Variants in FSIP2 observed in about 807,000 individuals in gnomAD.
FSIP2 encodes the protein fibrous sheath interacting protein 2.
A neutral mutation model predicts 510.5 loss-of-function variants in FSIP2; 367 were observed. The ratio of observed to expected loss-of-function variants is 0.72; its 90% CI spans 0.66 to 0.78. FSIP2 has a LOEUF of 0.78. FSIP2 is among the 30% of genes least tolerant of loss of function. The probability of loss-of-function intolerance (pLI) is 0.00; values close to 1 mark genes in which losing one functional copy is unlikely to be tolerated. For missense variants in FSIP2, 7,594 were observed against 7,901.7 expected, an observed-to-expected ratio of 0.96 and a Z score of 1.48; for synonymous variants, 2,601 against 2,732.2, an observed-to-expected ratio of 0.95 and a Z score of 1.50.
Position 185,782,726 on chromosome 2 carries a change from A to G in FSIP2, c.1433A>G (p.Asp478Gly). The change falls in exon 14 of 23, where the codon GAC becomes GGC. Residue 478 changes from aspartate (D) to glycine (G), a missense_variant. By Grantham distance (94) the Asp-to-Gly change is moderately conservative (BLOSUM62 -1). Coordinates refer to ENST00000424728, the MANE Select transcript of FSIP2 (RefSeq NM_173651.4). ...ATAGGACCTCAGGCTCATGCTACAG[A>G]CCCGGGTATATTTTCTTCTCCTGTT... ...CESGPQAHAT[D>G]PGIFSSPVYT... The G allele has an allele frequency of 6.7e-7, 1 of 1,503,588 alleles. No individual in the cohort carries two copies. Among genetic ancestry groups the G allele is most frequent in the Non-Finnish European group, 8.9e-7 (1 of 1,117,360 alleles). 93.1% of individuals were successfully genotyped at this position (1,503,588 alleles called of 1,614,324 possible).
At position 185,790,390 on chromosome 2, in the gene FSIP2, T is replaced by G; in HGVS notation, c.3254T>G (p.Leu1085Arg). Residue 1085 changes from leucine (L) to arginine (R), a missense_variant, in exon 16 of 23, where the codon CTT becomes CGT. Leu to Arg is a moderately radical substitution (Grantham distance 102). Coordinates refer to ENST00000424728, the MANE Select transcript of FSIP2 (RefSeq NM_173651.4). ...TNHEDILKKK[L>R]SSNKDISTFS... The stretch of plus-strand genomic sequence containing the variant: ...CATGAAGATATTTTAAAGAAAAAAC[T>G]TTCTTCGAATAAAGACATTTCAACT... 1 of 1,527,544 alleles carries G rather than the reference T, an allele frequency of 6.5e-7. No individual in the cohort carries two copies. Among genetic ancestry groups the G allele is most frequent in the South Asian group, 1.2e-5 (1 of 82,098 alleles). 94.6% of individuals were successfully genotyped at this position (1,527,544 alleles called of 1,614,324 possible).
At chr2:185,819,496 G>GA (rs1693877326) in intron 19 of FSIP2, among the ~76,000 whole-genome samples, 1 of 151,756 alleles carries the variant, frequency 6.6e-6, no homozygotes, top group East Asian at 1.9e-4. Context: ...TGAAAGAATG[G>GA]AAAAATATAC....
intron 13 of FSIP2, among the ~76,000 whole-genome samples, chr2:185,771,203 G>C (rs771595156): frequency 6.6e-6 from 1 of 152,176 alleles, no homozygotes. Flanking sequence ...ACCATGCTGG[G>C]ATCTGGAGTG....
intron 9 of FSIP2, 87 bp from the exon 10 acceptor site, chr2:185,760,901 G>T: frequency 2.0e-6 from 1 of 499,062 alleles, no homozygotes; most frequent in Non-Finnish European, 3.4e-6. Flanking sequence ...TAATTAAATA[G>T]ATACAATTTA....
At chr2:185,821,564 A>C (rs1225717000) in intron 19 of FSIP2, among the ~76,000 whole-genome samples, 1 of 151,914 alleles carries the variant, frequency 6.6e-6, no homozygotes, top group African/African-American at 2.4e-5. Context: ...CAGTATATTA[A>C]AAGGTTTATA....
rs1406872051 is a variant in FSIP2, at chr2:185,764,507, G to C, written c.1353G>C (p.Glu451Asp). The C allele has an allele frequency of 6.5e-7, 1 of 1,529,700 alleles. No homozygotes were observed. The highest frequency in any genetic ancestry group is 8.8e-7 in the Non-Finnish European group (1 of 1,142,602). 94.8% of individuals were successfully genotyped at this position (1,529,700 alleles called of 1,614,324 possible). The change falls in exon 13 of 23, where the codon GAG (glutamate) becomes GAC (aspartate). Residue 451 changes from glutamate (E) to aspartate (D), a missense_variant. Physicochemically the swap from Glu to Asp is conservative, Grantham distance 45. Transcript: ENST00000424728. The part of the protein sequence containing the change: ...AFLDPSKEEK[E>D]TNADWDGRPT... Reference sequence around the variant, plus strand: ...TGCTGTTGTGAATTATGTAGAAGGAGACAAATGCTGATTGGGATGGAAGAC... The same window carrying C: ...TGCTGTTGTGAATTATGTAGAAGGACACAAATGCTGATTGGGATGGAAGAC...
Position 185,793,556 on chromosome 2 carries a change from GATT to G in FSIP2, c.6424_6426del (p.Ile2142del), listed in dbSNP as rs1437328928. 14 of 1,534,304 alleles carry G rather than the reference GATT, an allele frequency of 9.1e-6. No individual in the cohort carries two copies. The East Asian group carries it at 2.2e-4, about 24-fold the overall frequency. On this transcript the variant is annotated inframe_deletion, in exon 16 of 23. Coordinates refer to ENST00000424728, the MANE Select transcript of FSIP2 (RefSeq NM_173651.4). Reference sequence around the variant, plus strand: ...AAATGTTCATGGAGGGTGCAAATAAGATTATTCCTAAGCTTTCAGTTCCTAAAT... The same window carrying G: ...AAATGTTCATGGAGGGTGCAAATAAGATTCCTAAGCTTTCAGTTCCTAAAT...
At chr2:185,769,639 G>T (rs1050027364) in intron 13 of FSIP2, among the ~76,000 whole-genome samples, 3 of 152,068 alleles carry the variant, frequency 2.0e-5, no homozygotes, top group African/African-American at 7.2e-5. Context: ...GATCCCATTT[G>T]TCAATTTTTG....
At position 185,805,959 on chromosome 2, in the gene FSIP2, G is replaced by A. The variant is rs770675321; in HGVS notation, c.16653G>A (p.Gln5551=). Residue 5551 remains glutamine (Q), a synonymous_variant, in exon 17 of 23, where the codon CAG becomes CAA. Coordinates refer to ENST00000424728, the MANE Select transcript of FSIP2 (RefSeq NM_173651.4). ...CCACTGTGAAAAGTAAAGATACTCAGGAGCCAAATTTGAGTGAAACATTTA... is the reference window on the plus strand; with the variant it reads ...CCACTGTGAAAAGTAAAGATACTCAAGAGCCAAATTTGAGTGAAACATTTA... ...STTTVKSKDT[Q]EPNLSETFNN... The A allele has an allele frequency of 6.4e-6, 10 of 1,574,236 alleles. No individual in the cohort carries two copies. The African/African-American group carries it at 8.3e-5, about 13-fold the overall frequency.
chr2:185,747,373 G>A lies in FSIP2; in HGVS notation c.820G>A (p.Glu274Lys). Reference protein sequence around the residue: ...TRMAEDVKREERIEEQQHRNR... With the variant: ...TRMAEDVKREKRIEEQQHRNR... ...GATGGCAGAAGATGTTAAAAGAGAA[G>A]AGAGGATAGAAGAACAACAGCATAG... The change falls in exon 7 of 23, where the codon GAG becomes AAG. Residue 274 changes from glutamate to lysine, a missense_variant. Physicochemically the swap from Glu to Lys is moderately conservative, Grantham distance 56. Transcript: ENST00000424728. The A allele has an allele frequency of 6.5e-7, 1 of 1,533,264 alleles. No homozygotes were observed. Among genetic ancestry groups the A allele is most frequent in the Non-Finnish European group, 8.7e-7 (1 of 1,144,320 alleles). The allele number at this position is 1,533,264 out of a possible 1,614,324, so 95.0% of individuals were successfully genotyped here.
intron 16 of FSIP2, chr2:185,797,734 G>A: frequency 1.8e-6 from 1 of 552,762 alleles, no homozygotes; most frequent in East Asian, 3.7e-5. Context: ...TGTCACTGAG[G>A]CTAGAGTACA....
upstream of FSIP2, chr2:185,738,518 T>C (rs559881234): frequency 6.6e-5 from 82 of 1,250,616 alleles, no homozygotes; most frequent in East Asian, 1.3e-4. Flanking sequence ...GGAATTTTTA[T>C]TGAACGGAAC....
At chr2:185,832,356 C>T (rs187163069) in intron 22 of FSIP2, among the ~76,000 whole-genome samples, 1 of 151,860 alleles carries the variant, frequency 6.6e-6, no homozygotes, top group Admixed American at 6.6e-5. Context: ...GGCATGCTGC[C>T]TTTGAAGGAG....
At chr2:185,764,948 C>A (rs10803994) in intron 13 of FSIP2, 85,259 of 156,852 alleles carry the variant, frequency 0.54, 23,428 homozygotes, top group South Asian at 0.64. Flanking sequence ...CCAAAATTTG[C>A]AAAAAAATTA....
rs1192034804 is a variant in FSIP2 at position 185,824,511 on chromosome 2, A to AT, written c.20473+37dup. Reference sequence around the variant, plus strand: ...ACTCCTTTTTCTTAAATTAGAGAGTATTTTTTACTACTTTGATGTGTTTTT... The same window carrying AT: ...ACTCCTTTTTCTTAAATTAGAGAGTATTTTTTTACTACTTTGATGTGTTTTT... On this transcript the variant is annotated intron_variant, in intron 20 of 22. Transcript: ENST00000424728. The AT allele has an allele frequency of 5.5e-6, 7 of 1,282,264 alleles. No individual in the cohort carries two copies. In the African/African-American group the frequency reaches 1.1e-4, roughly 19 times the overall value. The allele number at this position is 1,282,264 out of a possible 1,614,324, so 79.4% of individuals were successfully genotyped here.
intron 19 of FSIP2, among the ~76,000 whole-genome samples, chr2:185,821,301 C>G (rs1378410902): frequency 6.6e-6 from 1 of 151,742 alleles, no homozygotes; most frequent in East Asian, 2.0e-4. Flanking sequence ...GAACCAATAA[C>G]TGAAAAACCT....
chr2:185,745,916 G>A (rs1233430154), intron 5 of FSIP2, among the ~76,000 whole-genome samples: 1 of 151,992 alleles, frequency 6.6e-6, no homozygotes, highest in African/African-American at 2.4e-5. Context: ...GGAAGTTAGT[G>A]CAAAGTCAAA....
Position 185,804,043 on chromosome 2 carries a change from T to C in FSIP2, c.14737T>C (p.Ser4913Pro). 1 of 1,512,188 alleles carries C rather than the reference T, an allele frequency of 6.6e-7. No homozygotes were observed. Among genetic ancestry groups the C allele is most frequent in the Non-Finnish European group, 8.8e-7 (1 of 1,133,710 alleles). 93.7% of individuals were successfully genotyped at this position (1,512,188 alleles called of 1,614,324 possible). ...TAACCATCATATTCAATCATTTTTATCTGAAGATAAAACTCTCCTTTTGGC... is the reference window on the plus strand; with the variant it reads ...TAACCATCATATTCAATCATTTTTACCTGAAGATAAAACTCTCCTTTTGGC... ...IFNHHIQSFL[S>P]EDKTLLLAAV... is the part of the protein sequence containing the mutation. Residue 4913 changes from serine to proline, a missense_variant, in exon 17 of 23, where the codon TCT (serine) becomes CCT (proline). Physicochemically the swap from Ser to Pro is moderately conservative, Grantham distance 74. Transcript: ENST00000424728.
intron 19 of FSIP2, among the ~76,000 whole-genome samples, chr2:185,820,485 A>G (rs190304321): frequency 2.0e-5 from 3 of 151,560 alleles, no homozygotes; most frequent in African/African-American, 7.2e-5. Flanking sequence ...TAATTTATAT[A>G]CATATATTGT....
Sources: gnomAD v4.1 joint callset for allele counts (sites outside exome capture counted in the v4.1 genomes callset) on GRCh38, gnomAD v4.1.1 for gene constraint, MANE v1.5 for transcripts, NCBI Gene and HGNC (gene_info 2026-07-23, HGNC 2026-07-21) for gene names.